MALRD1: variants seen among roughly 807,000 people sequenced by gnomAD.
MALRD1 encodes MAM and LDL-receptor class A domain-containing protein 1.
In MALRD1, 247 loss-of-function variants were observed where a neutral mutation model predicts 242.1. That is an observed-to-expected ratio of 1.02 (90% CI 0.92 to 1.13). The LOEUF is 1.13. Among genes scored for constraint, MALRD1 ranks in the 50% most tolerant of loss-of-function variants. The pLI, the probability that MALRD1 is intolerant of heterozygous loss-of-function variation, is 0.00. For missense variants in MALRD1, 2,989 were observed against 2,533.1 expected (o/e 1.18, Z -3.86); for synonymous variants, 995 against 866.6 (o/e 1.15, Z -2.60).
At chr10:19,259,529 A>G (rs985143281) in intron 19 of MALRD1, among the ~76,000 whole-genome samples, 1 of 152,176 alleles carries the variant, frequency 6.6e-6, no homozygotes, top group African/African-American at 2.4e-5. Context: ...TTATAAAACT[A>G]TCAAATCTTG....
intron 18 of MALRD1, among the ~76,000 whole-genome samples, chr10:19,213,642 G>A (rs2583646): frequency 0.63 from 95,789 of 152,124 alleles, 31,714 homozygotes; most frequent in East Asian, 0.85. Flanking sequence ...ACTCTGGATC[G>A]GTTCTGACTG....
chr10:19,099,762 TA>T (rs1432673085), intron 4 of MALRD1, among the ~76,000 whole-genome samples: 5 of 88,220 alleles, frequency 5.7e-5, no homozygotes, highest in South Asian at 6.9e-4. Flanking sequence ...TATATATATA[TA>T]TTTTTTTTAA....
intron 36 of MALRD1, among the ~76,000 whole-genome samples, chr10:19,653,968 C>G (rs961050228): frequency 6.6e-6 from 1 of 152,120 alleles, no homozygotes; most frequent in Non-Finnish European, 1.5e-5. Context: ...TAATCACAAG[C>G]GTTAACTTTT....
intron 28 of MALRD1, among the ~76,000 whole-genome samples, chr10:19,414,387 A>G (rs936354590): frequency 3.3e-5 from 5 of 152,220 alleles, no homozygotes; most frequent in Non-Finnish European, 7.3e-5. Context: ...TGTGACTCAG[A>G]ATTGGGAAAC....
intron 28 of MALRD1, among the ~76,000 whole-genome samples, chr10:19,430,710 A>T (rs546793104): frequency 1.3e-5 from 2 of 152,156 alleles, no homozygotes; most frequent in Non-Finnish European, 2.9e-5. Flanking sequence ...TATTAATTGG[A>T]TTTGAATGAA....
At chr10:19,480,840 C>T (rs188530894) in intron 29 of MALRD1, among the ~76,000 whole-genome samples, 11 of 151,572 alleles carry the variant, frequency 7.3e-5, no homozygotes, top group Admixed American at 5.9e-4. Flanking sequence ...TTTTTTTTGG[C>T]GGTTGGGGGG....
At chr10:19,723,574 C>G (rs1834873360) in intron 38 of MALRD1, among the ~76,000 whole-genome samples, 1 of 151,918 alleles carries the variant, frequency 6.6e-6, no homozygotes, top group Non-Finnish European at 1.5e-5. Context: ...GACCCCATCT[C>G]TACAAAAAAT....
At chr10:19,522,263 T>A (rs1833915252) in intron 31 of MALRD1, among the ~76,000 whole-genome samples, 1 of 152,180 alleles carries the variant, frequency 6.6e-6, no homozygotes, top group Admixed American at 6.5e-5. Flanking sequence ...TTGGGTTTTA[T>A]TAATATCAAT....
At chr10:19,541,898 A>G (rs1013911634) in intron 32 of MALRD1, among the ~76,000 whole-genome samples, 2 of 152,218 alleles carry the variant, frequency 1.3e-5, no homozygotes, top group African/African-American at 4.8e-5. Context: ...TAGGATGGCA[A>G]AAAACACTGG....
chr10:19,336,539 T>A (rs2130939661), intron 24 of MALRD1, among the ~76,000 whole-genome samples: 1 of 152,290 alleles, frequency 6.6e-6, no homozygotes, highest in South Asian at 2.1e-4. Context: ...TGGGTTAAAG[T>A]CACCTAGGGT....
intron 18 of MALRD1, among the ~76,000 whole-genome samples, chr10:19,238,582 TTA>T (rs1214863185): frequency 2.3e-4 from 18 of 78,442 alleles, no homozygotes; most frequent in African/African-American, 7.5e-4. Context: ...ATAATGTATA[TTA>T]TATATATATA....
chr10:19,560,172 T>A (rs1254112663), intron 32 of MALRD1, among the ~76,000 whole-genome samples: 1 of 152,136 alleles, frequency 6.6e-6, no homozygotes, highest in Non-Finnish European at 1.5e-5. Context: ...CATTCTACTT[T>A]AAAGACACAT....
chr10:19,341,132 T>C (rs1473099889), intron 24 of MALRD1, among the ~76,000 whole-genome samples: 1 of 152,098 alleles, frequency 6.6e-6, no homozygotes, highest in African/African-American at 2.4e-5. Context: ...TGTATATCTT[T>C]CTATATTTTT....
At chr10:19,576,901 T>C (rs972008775) in intron 33 of MALRD1, among the ~76,000 whole-genome samples, 2 of 151,992 alleles carry the variant, frequency 1.3e-5, no homozygotes, top group African/African-American at 2.4e-5. Context: ...TAAGGTATTG[T>C]TGATATCTGT....
At chr10:19,708,341 T>C (rs1227429880) in intron 38 of MALRD1, among the ~76,000 whole-genome samples, 1 of 69,812 alleles carries the variant, frequency 1.4e-5, no homozygotes, top group Admixed American at 1.5e-4. Context: ...TTTCTTTTTC[T>C]TTTTTTTTTT....
chr10:19,209,256 T>C lies in MALRD1; in HGVS notation c.2579-12T>C. On this transcript the variant is annotated splice_polypyrimidine_tract_variant and intron_variant, in intron 17 of 39. Transcript: ENST00000454679. The stretch of plus-strand genomic sequence containing the variant: ...CTAATTATCTTTTGCTTTTATTTCA[T>C]GTGAATTTCAGCACCTGAGCTGCAG... 6.7e-7 allele frequency: 1 copy of C among 1,494,902 alleles called. No individual in the cohort carries two copies. The highest frequency in any genetic ancestry group is 8.9e-7 in the Non-Finnish European group (1 of 1,125,400). 92.6% of individuals were successfully genotyped at this position (1,494,902 alleles called of 1,614,324 possible).
intron 1 of MALRD1, among the ~76,000 whole-genome samples, chr10:19,061,457 G>A (rs1316012413): frequency 1.3e-5 from 2 of 151,868 alleles, no homozygotes; most frequent in Non-Finnish European, 2.9e-5. Context: ...GAATCTCAAG[G>A]AACCTCAAAT....
intron 2 of MALRD1, among the ~76,000 whole-genome samples, chr10:19,084,082 A>C (rs1032326726): frequency 1.3e-5 from 2 of 151,994 alleles, no homozygotes; most frequent in Non-Finnish European, 2.9e-5. Flanking sequence ...GGCAGCATCC[A>C]TGTACAACTT....
At chr10:19,134,916 A>G (rs575561142) in intron 9 of MALRD1, among the ~76,000 whole-genome samples, 2 of 152,142 alleles carry the variant, frequency 1.3e-5, no homozygotes, top group African/African-American at 4.8e-5. Flanking sequence ...TTGAACCTCA[A>G]ATTGATATCA....
Sources: gnomAD v4.1 joint callset for allele counts (sites outside exome capture counted in the v4.1 genomes callset) on GRCh38, gnomAD v4.1.1 for gene constraint, MANE v1.5 for transcripts, NCBI Gene and HGNC (gene_info 2026-07-23, HGNC 2026-07-21) for gene names.